Variants in ATG4B observed in about 807,000 individuals in gnomAD.
ATG4B encodes the protein autophagy related 4B cysteine peptidase, also known as cysteine protease ATG4B.
In ATG4B, 29 loss-of-function variants were observed where a neutral mutation model predicts 56.6. The observed-to-expected ratio is 0.51, with a 90% CI of 0.38 to 0.70. ATG4B has a LOEUF of 0.70. Among genes scored for constraint, ATG4B ranks in the 30% least tolerant of loss-of-function variants. ATG4B has a pLI of 0.00. For missense variants in ATG4B, 461 were observed against 515.5 expected (o/e 0.89, Z 1.02); for synonymous variants, 224 against 206.1 (o/e 1.09, Z -0.74).
intron 1 of ATG4B, among the ~76,000 whole-genome samples, chr2:241,642,413 A>G (rs2067918574): frequency 6.6e-6 from 1 of 152,188 alleles, no homozygotes; most frequent in African/African-American, 2.4e-5. Context: ...TAGTAATCAT[A>G]TGCAAACTGT....
chr2:241,642,210 G>C lies in ATG4B; in HGVS notation c.10+4486G>C, dbSNP rs377321082. Among the ~76,000 whole-genome samples, 4 of 150,408 alleles carry C rather than the reference G, an allele frequency of 2.7e-5. No homozygotes were observed. The East Asian group carries it at 8.0e-4, about 30-fold the overall frequency. Reference sequence around the variant, plus strand: ...AGATGGAGTCTTGCTCTGTTTCCCAGGCTGGAGTGCGGTGGGCGCGATCTA... The same window carrying C: ...AGATGGAGTCTTGCTCTGTTTCCCACGCTGGAGTGCGGTGGGCGCGATCTA... On this transcript the variant is annotated intron_variant, in intron 1 of 12. Transcript: ENST00000404914.
rs2069042847 is a variant in ATG4B, at chr2:241,673,308, GCTGTCCCGGGTCCCAGAGTGCACT to G, written c.*1048_*1071del. On this transcript the variant is annotated 3_prime_UTR_variant, in exon 13 of 13. Transcript: ENST00000404914. The stretch of plus-strand genomic sequence containing the variant: ...ACCACCGCCTGACCCTGTGTAACCT[GCTGTCCCGGGTCCCAGAGTGCACT>G]CTGCCCCGCTGCTCTGCTGCCTGTC... The G allele has an allele frequency of 5.7e-6, 2 of 348,848 alleles. No individual in the cohort carries two copies. Among genetic ancestry groups the G allele is most frequent in the South Asian group, 4.3e-5 (2 of 46,724 alleles). The allele number at this position is 348,848 out of a possible 1,614,324, so 21.6% of individuals were successfully genotyped here.
At chr2:241,648,000 G>A (rs1298005837) in intron 1 of ATG4B, among the ~76,000 whole-genome samples, 2 of 152,172 alleles carry the variant, frequency 1.3e-5, no homozygotes, top group African/African-American at 4.8e-5. Flanking sequence ...TGTAATCCCA[G>A]CTACTCGGGA....
chr2:241,672,187 C>T lies in ATG4B; in HGVS notation c.1109-4C>T. The T allele has an allele frequency of 6.4e-7, 1 of 1,574,746 alleles. No individual in the cohort carries two copies. The highest frequency in any genetic ancestry group is 1.3e-5 in the African/African-American group (1 of 74,194). ...CCTGATGCGCTATGTCCTGTTCCTTCTAGATTCTTCTGATGTAGAGCGACT... is the reference window on the plus strand; with the variant it reads ...CCTGATGCGCTATGTCCTGTTCCTTTTAGATTCTTCTGATGTAGAGCGACT... On this transcript the variant is annotated splice_polypyrimidine_tract_variant and splice_region_variant and intron_variant, in intron 12 of 12. Coordinates refer to ENST00000404914, the MANE Select transcript of ATG4B (RefSeq NM_013325.5).
intron 1 of ATG4B, among the ~76,000 whole-genome samples, chr2:241,650,652 T>C (rs933288835): frequency 2.0e-5 from 3 of 152,130 alleles, no homozygotes; most frequent in Admixed American, 2.0e-4. Flanking sequence ...GGTTTTCATT[T>C]TTTTGCTTTC....
At chr2:241,656,413 A>G (rs1055439602) in intron 6 of ATG4B, among the ~76,000 whole-genome samples, 1 of 151,808 alleles carries the variant, frequency 6.6e-6, no homozygotes, top group Non-Finnish European at 1.5e-5. Flanking sequence ...TGCCCTTCAG[A>G]GTCCTCTGTC....
intron 3 of ATG4B, 111 bp from the exon 4 acceptor site, chr2:241,653,401 G>C (rs1359841324): frequency 6.4e-7 from 1 of 1,551,212 alleles, no homozygotes; most frequent in East Asian, 2.4e-5. Flanking sequence ...GCTGATGGAG[G>C]AGGGAGTCGG....
chr2:241,666,312 G>A (rs901893762), intron 7 of ATG4B, among the ~76,000 whole-genome samples: 1 of 152,228 alleles, frequency 6.6e-6, no homozygotes, highest in African/African-American at 2.4e-5. Context: ...TGGCTGTGCT[G>A]GCACTAGCCA....
chr2:241,654,440 A>T, intron 4 of ATG4B, 106 bp from the exon 5 acceptor site: 1 of 712,464 alleles, frequency 1.4e-6, no homozygotes, highest in African/African-American at 1.9e-5. Flanking sequence ...AAAAAAAAAA[A>T]AAGATTCTGA....
At chr2:241,642,880 T>TTG in intron 1 of ATG4B, among the ~76,000 whole-genome samples, 1 of 109,868 alleles carries the variant, frequency 9.1e-6, no homozygotes, top group Non-Finnish European at 1.8e-5. Context: ...TCCTTTTTTT[T>TTG]TTTTTTTTTT....
In ATG4B at chr2:241,666,775, A is replaced by T. The variant is rs1402799060; in HGVS notation, c.669A>T (p.Val223=). Residue 223 remains valine (V), a synonymous_variant, in exon 8 of 13, where the codon GTA becomes GTT. Coordinates refer to ENST00000404914, the MANE Select transcript of ATG4B (RefSeq NM_013325.5). The part of the protein sequence containing the change: ...TNRPSPWRPL[V]LLIPLRLGLT... ...GGCCGTCGCCATGGAGACCCCTGGT[A>T]CTTCTCATTCCCCTGCGCCTGGGGC... 5 of 1,594,782 alleles carry T rather than the reference A, an allele frequency of 3.1e-6. No individual in the cohort carries two copies. The highest frequency in any genetic ancestry group is 4.3e-6 in the Non-Finnish European group (5 of 1,170,554).
Position 241,666,913 on chromosome 2 carries a change from G to A in ATG4B, c.732+75G>A, listed in dbSNP as rs561638837. The A allele has an allele frequency of 7.3e-5, 108 of 1,473,186 alleles. No homozygotes were observed. In the African/African-American group the frequency reaches 1.2e-3, roughly 16 times the overall value. 91.3% of individuals were successfully genotyped at this position (1,473,186 alleles called of 1,614,324 possible). A position where few individuals can be genotyped will look rare whatever the true frequency, so the allele number is the denominator to read the frequency against. ...AGTTCTTAGTCACTTTCAGCGCATC[G>A]TCGTCACGTGGCCATTTGTGCAGCC... On this transcript the variant is annotated intron_variant, in intron 8 of 12. Transcript: ENST00000404914.
intron 12 of ATG4B, chr2:241,671,638 G>A: frequency 1.4e-6 from 2 of 1,459,610 alleles, no homozygotes; most frequent in Non-Finnish European, 1.8e-6. Context: ...GCCTGCCCGG[G>A]CGCTGTGGAG....
At chr2:241,654,687 T>C (rs1264793122) in intron 5 of ATG4B, 40 bp downstream of exon 5, 2 of 1,514,960 alleles carry the variant, frequency 1.3e-6, no homozygotes, top group Non-Finnish European at 1.8e-6. Flanking sequence ...ACCCGGGCTG[T>C]CTGGAGAGGG....
At chr2:241,645,960 C>T (rs148946101) in intron 1 of ATG4B, among the ~76,000 whole-genome samples, 1,926 of 152,180 alleles carry the variant, frequency 0.013, 45 homozygotes, top group African/African-American at 0.044. Context: ...CGTGGCTGCG[C>T]CACTCCTGTT....
chr2:241,643,694 TCCC>T (rs200143016), intron 1 of ATG4B, among the ~76,000 whole-genome samples: 3 of 121,902 alleles, frequency 2.5e-5, no homozygotes, highest in South Asian at 2.6e-4. Flanking sequence ...GTATATATTT[TCCC>T]CCCCCCCCGT....
rs137930789 is a variant in ATG4B at position 241,653,409 on chromosome 2, C to T, written c.185-103C>T. On this transcript the variant is annotated intron_variant, in intron 3 of 12. Transcript: ENST00000404914. Reference sequence around the variant, plus strand: ...AGGTGGAGCTGATGGAGGAGGGAGTCGGTGCCTGTGGTGTGGGACTGACCG... The same window carrying T: ...AGGTGGAGCTGATGGAGGAGGGAGTTGGTGCCTGTGGTGTGGGACTGACCG... The T allele has an allele frequency of 9.8e-4, 1,514 of 1,551,208 alleles. 1 individual carries two copies. Among genetic ancestry groups the T allele is most frequent in the Non-Finnish European group, 1.2e-3 (1,406 of 1,146,880 alleles).
chr2:241,646,781 CTTT>C lies in ATG4B; in HGVS notation c.11-4212_11-4210del, dbSNP rs35123109. Among the ~76,000 whole-genome samples the C allele has an allele frequency of 1.9e-3, 234 of 122,802 alleles. 2 individuals are homozygous for C. Among genetic ancestry groups the C allele is most frequent in the Admixed American group, 6.9e-3 (84 of 12,228 alleles). 80.6% of individuals were successfully genotyped at this position (122,802 alleles called of 152,430 possible). On this transcript the variant is annotated intron_variant, in intron 1 of 12. Coordinates refer to ENST00000404914, the MANE Select transcript of ATG4B (RefSeq NM_013325.5). ...TTAGGTAGATTACGTGTATTCAATG[CTTT>C]TTTTTTTTTTTTTTTTGAGACAGAG... is the stretch of plus-strand genomic sequence containing the variant.
chr2:241,670,170 G>A (rs1210521581), intron 10 of ATG4B, among the ~76,000 whole-genome samples: 1 of 152,218 alleles, frequency 6.6e-6, no homozygotes, highest in Non-Finnish European at 1.5e-5. Flanking sequence ...CTGCGCATCT[G>A]GCAGCGTTGA....
Sources: gnomAD v4.1 joint callset for allele counts (sites outside exome capture counted in the v4.1 genomes callset) on GRCh38, gnomAD v4.1.1 for gene constraint, MANE v1.5 for transcripts, NCBI Gene and HGNC (gene_info 2026-07-23, HGNC 2026-07-21) for gene names.